RALYL: variants seen among roughly 807,000 people sequenced by gnomAD.
RALYL encodes the protein RNA-binding Raly-like protein.
Under a neutral mutation model 35.1 loss-of-function variants are expected in RALYL, and 29 were observed. That is an observed-to-expected ratio of 0.83 (90% CI 0.61 to 1.13). RALYL has a LOEUF of 1.13. RALYL is among the 50% of genes most tolerant of loss of function. The pLI, the probability that RALYL is intolerant of heterozygous loss-of-function variation, is 0.00. For missense variants in RALYL, 359 were observed against 360.4 expected, an observed-to-expected ratio of 1.00 and a Z score of 0.03; for synonymous variants, 120 against 127.6, an observed-to-expected ratio of 0.94 and a Z score of 0.40.
chr8:84,616,705 T>C (rs1819773996), intron 2 of RALYL, among the ~76,000 whole-genome samples: 1 of 151,442 alleles, frequency 6.6e-6, no homozygotes, highest in Non-Finnish European at 1.5e-5. Context: ...GGTTTTCTTC[T>C]AGGGTTTTTA....
chr8:84,514,420 G>T (rs1294432351), intron 1 of RALYL, among the ~76,000 whole-genome samples: 1 of 152,102 alleles, frequency 6.6e-6, no homozygotes, highest in African/African-American at 2.4e-5. Context: ...ATAGAAGTTT[G>T]TTTCTCACAG....
intron 2 of RALYL, among the ~76,000 whole-genome samples, chr8:84,582,008 A>G (rs1178461281): frequency 1.3e-5 from 2 of 152,182 alleles, no homozygotes; most frequent in South Asian, 2.1e-4. Flanking sequence ...GTAAGTGTCC[A>G]GATTGACAAT....
chr8:84,287,367 T>C (rs926663677), intron 1 of RALYL, among the ~76,000 whole-genome samples: 6 of 116,016 alleles, frequency 5.2e-5, no homozygotes, highest in Non-Finnish European at 1.1e-4. Context: ...AAGTTACAGT[T>C]GGGCTAGGTT....
At chr8:84,550,598 A>T (rs1177583913) in intron 2 of RALYL, among the ~76,000 whole-genome samples, 1 of 151,342 alleles carries the variant, frequency 6.6e-6, no homozygotes, top group Non-Finnish European at 1.5e-5. Flanking sequence ...TATATATTTG[A>T]TTTATTATAT....
chr8:84,364,816 T>C (rs1853868940), intron 1 of RALYL, among the ~76,000 whole-genome samples: 1 of 152,162 alleles, frequency 6.6e-6, no homozygotes, highest in Non-Finnish European at 1.5e-5. Context: ...TTTTCAATTG[T>C]TGCTAATGTG....
At chr8:84,661,599 T>C (rs1352485520) in intron 2 of RALYL, among the ~76,000 whole-genome samples, 1 of 150,924 alleles carries the variant, frequency 6.6e-6, no homozygotes, top group Non-Finnish European at 1.5e-5. Flanking sequence ...CATAGTTTTT[T>C]TTTTTCGTGC....
At chr8:84,629,937 A>G (rs1048411908) in intron 2 of RALYL, among the ~76,000 whole-genome samples, 27 of 152,064 alleles carry the variant, frequency 1.8e-4, no homozygotes, top group African/African-American at 5.8e-4. Context: ...ATGACATGCT[A>G]AAGGTCATGC....
chr8:84,854,721 G>A (rs1473919700), intron 5 of RALYL, among the ~76,000 whole-genome samples: 1 of 152,230 alleles, frequency 6.6e-6, no homozygotes, highest in Non-Finnish European at 1.5e-5. Context: ...AGACAACACT[G>A]TGATATACTG....
chr8:84,573,448 T>C (rs1010850035), intron 2 of RALYL, among the ~76,000 whole-genome samples: 3 of 151,878 alleles, frequency 2.0e-5, no homozygotes, highest in African/African-American at 7.2e-5. Context: ...GTACAAAATA[T>C]GTATTTTCTC....
intron 2 of RALYL, among the ~76,000 whole-genome samples, chr8:84,621,362 G>C (rs1269102064): frequency 1.3e-5 from 2 of 152,178 alleles, no homozygotes; most frequent in Non-Finnish European, 2.9e-5. Context: ...CAATTTTCCA[G>C]GTGCCGGCTG....
intron 2 of RALYL, among the ~76,000 whole-genome samples, chr8:84,573,710 C>T (rs1385828754): frequency 1.3e-5 from 2 of 151,710 alleles, no homozygotes; most frequent in African/African-American, 2.4e-5. Flanking sequence ...CAGTTCTCAC[C>T]ATTTATCTTT....
rs189792499 is a variant in RALYL at position 84,320,674 on chromosome 8, A to G, written c.-24+136250A>G. Among the ~76,000 whole-genome samples, 94 of 152,294 alleles carry G rather than the reference A, an allele frequency of 6.2e-4. No individual in the cohort carries two copies. The South Asian group carries it at 0.014, about 23-fold the overall frequency. On this transcript the variant is annotated intron_variant, in intron 1 of 8. Transcript: ENST00000521268. ...GGTTACTTAATATCTGTTATGTATT[A>G]GAGTACAATAAATGACCTTCTTCCT... is the stretch of plus-strand genomic sequence containing the variant.
chr8:84,810,818 C>G (rs1452720445), intron 4 of RALYL, among the ~76,000 whole-genome samples: 1 of 152,114 alleles, frequency 6.6e-6, no homozygotes, highest in Non-Finnish European at 1.5e-5. Flanking sequence ...TCCCTGTTCA[C>G]TTTTGGTGTC....
intron 2 of RALYL, among the ~76,000 whole-genome samples, chr8:84,565,392 C>A (rs1274552558): frequency 1.3e-5 from 2 of 151,388 alleles, no homozygotes; most frequent in Non-Finnish European, 3.0e-5. Flanking sequence ...AGCATCTCAA[C>A]AGGAAATATT....
intron 1 of RALYL, among the ~76,000 whole-genome samples, chr8:84,528,040 C>A (rs572460252): frequency 6.6e-6 from 1 of 152,206 alleles, no homozygotes; most frequent in East Asian, 1.9e-4. Flanking sequence ...CAAGCATATC[C>A]AATTTACATG....
At chr8:84,747,719 C>G (rs1808951150) in intron 2 of RALYL, among the ~76,000 whole-genome samples, 1 of 151,708 alleles carries the variant, frequency 6.6e-6, no homozygotes, top group Non-Finnish European at 1.5e-5. Flanking sequence ...AGTGACTTGA[C>G]TTAATTTATT....
intron 2 of RALYL, among the ~76,000 whole-genome samples, chr8:84,667,374 A>AT (rs1832294097): frequency 1.3e-5 from 2 of 151,958 alleles, no homozygotes; most frequent in Admixed American, 6.6e-5. Flanking sequence ...TAAATCCAGT[A>AT]TTTTGTCAAG....
rs776953120 is a variant in RALYL, at chr8:84,432,989, A to G, written c.-23-96310A>G. On this transcript the variant is annotated intron_variant, in intron 1 of 8. Coordinates refer to ENST00000521268, the MANE Select transcript of RALYL (RefSeq NM_173848.7). ...GAAACTCTTACACACATACATATATATATGTATATTTAATAGATATTTTAA... is the reference window on the plus strand; with the variant it reads ...GAAACTCTTACACACATACATATATGTATGTATATTTAATAGATATTTTAA... 5.9e-5 allele frequency among the ~76,000 whole-genome samples: 9 copies of G among 152,234 alleles called. No homozygotes were observed. In the South Asian group the frequency reaches 1.9e-3, roughly 32 times the overall value.
At position 84,782,350 on chromosome 8, in the gene RALYL, G is replaced by T. The variant is rs140512992; in HGVS notation, c.332+7696G>T. Among the ~76,000 whole-genome samples, 208 of 152,292 alleles carry T rather than the reference G, an allele frequency of 1.4e-3. 6 individuals are homozygous for T. In the East Asian group the frequency reaches 0.034, roughly 25 times the overall value. ...GAAAAAGACAATGCTTGAATGTCTA[G>T]AACCTGTAACAGTGACCACTTGAGC... On this transcript the variant is annotated intron_variant, in intron 3 of 8. Transcript: ENST00000521268.
Sources: gnomAD v4.1 joint callset for allele counts (sites outside exome capture counted in the v4.1 genomes callset) on GRCh38, gnomAD v4.1.1 for gene constraint, MANE v1.5 for transcripts, NCBI Gene and HGNC (gene_info 2026-07-23, HGNC 2026-07-21) for gene names.